SLC8A1: variants seen among roughly 807,000 people sequenced by gnomAD.
SLC8A1 encodes the protein sodium/calcium exchanger 1.
In SLC8A1, 18 loss-of-function variants were observed where a neutral mutation model predicts 68.3. The observed-to-expected ratio is 0.26, with a 90% CI of 0.18 to 0.39. The LOEUF is 0.39. Ranked by LOEUF, SLC8A1 falls within the 10% of genes least tolerant of loss-of-function variation. The pLI is 1.00. For synonymous variants in SLC8A1, 475 were observed against 415.5 expected (o/e 1.14, Z -1.74); for missense variants, 985 against 1,156.7 (o/e 0.85, Z 2.15).
In SLC8A1 at chr2:40,412,891, G is replaced by C. The variant is rs555516862; in HGVS notation, c.1808+15582C>G. ...AGAGTGTAATCTAGGTATTTTTTCT[G>C]GTTATCATTGCTGATTTTTTTTTAT... On this transcript the variant is annotated intron_variant, in intron 2 of 7. Coordinates refer to ENST00000406785, the Ensembl canonical transcript of SLC8A1. Among the ~76,000 whole-genome samples the C allele has an allele frequency of 2.0e-5, 3 of 152,202 alleles. No homozygotes were observed. The South Asian group carries it at 6.2e-4, about 32-fold the overall frequency.
intron 2 of SLC8A1, among the ~76,000 whole-genome samples, chr2:40,278,951 T>G (rs992930917): frequency 1.3e-5 from 2 of 152,246 alleles, no homozygotes; most frequent in South Asian, 2.1e-4. Flanking sequence ...TTGCTTACTT[T>G]GGGTCTTAAT....
chr2:40,417,870 T>TACACACACACACACACACACACACACAC (rs70957174), intron 2 of SLC8A1, among the ~76,000 whole-genome samples: 72 of 147,262 alleles, frequency 4.9e-4, no homozygotes, highest in African/African-American at 1.5e-3. Context: ...CTTGGATGGA[T>TACACACACACACACACACACACACACAC]ACACACACAC....
intron 2 of SLC8A1, among the ~76,000 whole-genome samples, chr2:40,238,189 C>A (rs957772984): frequency 6.6e-6 from 1 of 151,678 alleles, no homozygotes; most frequent in African/African-American, 2.4e-5. Context: ...CAATGGCGGG[C>A]GCCCCTCCCC....
chr2:40,156,933 C>T (rs1428567), intron 6 of SLC8A1, among the ~76,000 whole-genome samples: 56,023 of 151,968 alleles, frequency 0.37, 11,985 homozygotes, highest in Middle Eastern at 0.52. Flanking sequence ...GCAAGTGCAC[C>T]CTTCATGCTG....
chr2:40,338,027 G>T (rs774798639), intron 2 of SLC8A1, among the ~76,000 whole-genome samples: 1 of 152,026 alleles, frequency 6.6e-6, no homozygotes, highest in Non-Finnish European at 1.5e-5. Context: ...GGCAGCATCT[G>T]AACTTAGGAA....
intron 2 of SLC8A1, among the ~76,000 whole-genome samples, chr2:40,359,967 G>T (rs7598447): frequency 0.013 from 1,907 of 151,574 alleles, 43 homozygotes; most frequent in African/African-American, 0.044. Flanking sequence ...AATGAGTAAC[G>T]GCTGTGCAAG....
At chr2:40,345,024 A>G (rs1668816272) in intron 2 of SLC8A1, among the ~76,000 whole-genome samples, 1 of 152,336 alleles carries the variant, frequency 6.6e-6, no homozygotes, top group East Asian at 1.9e-4. Context: ...AAAAGTGACA[A>G]GAGGCTATAA....
At chr2:40,160,996 A>G (rs1217893560) in intron 5 of SLC8A1, 132 bp from the exon 9 acceptor site, 4 of 637,448 alleles carry the variant, frequency 6.3e-6, no homozygotes, top group Non-Finnish European at 8.4e-6. Context: ...AACAGTATTG[A>G]CATCAAACAC....
At chr2:40,376,751 G>A in intron 2 of SLC8A1, among the ~76,000 whole-genome samples, 1 of 152,102 alleles carries the variant, frequency 6.6e-6, no homozygotes, top group Admixed American at 6.6e-5. Context: ...TGCCTCAAAA[G>A]TATTGAGCAG....
intron 2 of SLC8A1, among the ~76,000 whole-genome samples, chr2:40,232,211 G>C (rs1012891535): frequency 6.6e-6 from 1 of 152,070 alleles, no homozygotes; most frequent in Admixed American, 6.6e-5. Flanking sequence ...AAAGACATTT[G>C]TGCTCTACCT....
At chr2:40,343,415 C>G (rs1398216445) in intron 2 of SLC8A1, among the ~76,000 whole-genome samples, 1 of 152,144 alleles carries the variant, frequency 6.6e-6, no homozygotes, top group African/African-American at 2.4e-5. Flanking sequence ...TAAGAAGTCA[C>G]TTGGAATTCT....
At chr2:40,205,010 C>T (rs2055121525) in intron 2 of SLC8A1, among the ~76,000 whole-genome samples, 1 of 151,910 alleles carries the variant, frequency 6.6e-6, no homozygotes, top group Admixed American at 6.6e-5. Flanking sequence ...GAGTACAGTG[C>T]TTCACTTTTC....
At chr2:40,176,984 G>A (rs1206201674) in intron 3 of SLC8A1, among the ~76,000 whole-genome samples, 1 of 152,104 alleles carries the variant, frequency 6.6e-6, no homozygotes, top group Non-Finnish European at 1.5e-5. Context: ...TGAAATATAT[G>A]CCATATATTA....
intron 2 of SLC8A1, among the ~76,000 whole-genome samples, chr2:40,426,833 A>C (rs2149773508): frequency 6.6e-6 from 1 of 152,172 alleles, no homozygotes; most frequent in East Asian, 1.9e-4. Context: ...AATTGAAATG[A>C]TTAGAAAACA....
rs145218873 is a variant in SLC8A1 at position 40,447,741 on chromosome 2, C to T, written c.-25+4163G>A. Among the ~76,000 whole-genome samples, 15 of 152,246 alleles carry T rather than the reference C, an allele frequency of 9.9e-5. No individual in the cohort carries two copies. The East Asian group carries it at 2.9e-3, about 29-fold the overall frequency. ...GTTCTAATTGTGAAAGTTTCAGATACTATTTTGCCCAAGAAATAAATGCTT... is the reference window on the plus strand; with the variant it reads ...GTTCTAATTGTGAAAGTTTCAGATATTATTTTGCCCAAGAAATAAATGCTT... On this transcript the variant is annotated intron_variant, in intron 1 of 7. Coordinates refer to ENST00000406785, the Ensembl canonical transcript of SLC8A1.
intron 6 of SLC8A1, among the ~76,000 whole-genome samples, chr2:40,145,206 T>C (rs771128204): frequency 8.7e-4 from 132 of 152,208 alleles, no homozygotes; most frequent in Non-Finnish European, 1.4e-3. Flanking sequence ...CTGTCTGGCT[T>C]CTTTCACTTA....
chr2:40,467,155 G>A (rs537056539), intron 1 of SLC8A1, among the ~76,000 whole-genome samples: 2 of 152,222 alleles, frequency 1.3e-5, no homozygotes, highest in African/African-American at 4.8e-5. Flanking sequence ...AGAGCACAGT[G>A]CTTATGATGC....
At chr2:40,247,294 A>G (rs1454153439) in intron 2 of SLC8A1, among the ~76,000 whole-genome samples, 3 of 152,230 alleles carry the variant, frequency 2.0e-5, no homozygotes, top group African/African-American at 4.8e-5. Flanking sequence ...TAGTTCTACC[A>G]TGGTCCTGAA....
chr2:40,169,926 CAGAG>C (rs902736122), intron 4 of SLC8A1, among the ~76,000 whole-genome samples: 2 of 152,144 alleles, frequency 1.3e-5, no homozygotes, highest in Non-Finnish European at 2.9e-5. Context: ...GCTTGAGTGA[CAGAG>C]AGAATCCCCA....
Sources: gnomAD v4.1 joint callset for allele counts (sites outside exome capture counted in the v4.1 genomes callset) on GRCh38, gnomAD v4.1.1 for gene constraint, MANE v1.5 for transcripts, NCBI Gene and HGNC (gene_info 2026-07-23, HGNC 2026-07-21) for gene names.